The following EPHA3 variants were observed in gnomAD, a reference collection of about 807,000 sequenced individuals.
EPHA3 encodes the protein ephrin type-A receptor 3.
In EPHA3, 42 loss-of-function variants were observed where a neutral mutation model predicts 107.1. That is an observed-to-expected ratio of 0.39 (90% CI 0.31 to 0.51). EPHA3 has a LOEUF of 0.51. Ranked by LOEUF, EPHA3 falls within the 20% of genes least tolerant of loss-of-function variation. EPHA3 has a pLI of 0.78. For missense variants in EPHA3, 1,183 were observed against 1,211.2 expected (o/e 0.98, Z 0.35); for synonymous variants, 461 against 424.8 (o/e 1.09, Z -1.05).
chr3:89,443,227 A>G (rs1465017860), intron 13 of EPHA3, among the ~76,000 whole-genome samples: 1 of 152,204 alleles, frequency 6.6e-6, no homozygotes, highest in Non-Finnish European at 1.5e-5. Context: ...CAGTTGATGT[A>G]GAATGTGTAT....
intron 11 of EPHA3, among the ~76,000 whole-genome samples, chr3:89,419,725 G>A (rs1324130036): frequency 6.6e-6 from 1 of 151,400 alleles, no homozygotes; most frequent in African/African-American, 2.4e-5. Context: ...AATGACTCAA[G>A]CTTGACAGGA....
At chr3:89,477,732 G>GA (rs1424545510) in intron 16 of EPHA3, among the ~76,000 whole-genome samples, 1 of 151,628 alleles carries the variant, frequency 6.6e-6, no homozygotes, top group Non-Finnish European at 1.5e-5. Context: ...TCTTTACCCA[G>GA]AAAAATATAT....
At chr3:89,356,291 C>T (rs1707954306) in intron 5 of EPHA3, among the ~76,000 whole-genome samples, 1 of 150,820 alleles carries the variant, frequency 6.6e-6, no homozygotes, top group Non-Finnish European at 1.5e-5. Flanking sequence ...CTGCAATAAA[C>T]ATAGGTGTGC....
intron 3 of EPHA3, among the ~76,000 whole-genome samples, chr3:89,241,813 T>G (rs1576258173): frequency 6.6e-6 from 1 of 152,292 alleles, no homozygotes; most frequent in East Asian, 1.9e-4. Context: ...TTCAGGTTTT[T>G]GAAACAGAAG....
At chr3:89,174,030 A>T (rs1344010045) in intron 2 of EPHA3, among the ~76,000 whole-genome samples, 4 of 152,014 alleles carry the variant, frequency 2.6e-5, no homozygotes, top group African/African-American at 9.6e-5. Context: ...TGGTAGAAGC[A>T]AGGAAAAATT....
intron 2 of EPHA3, among the ~76,000 whole-genome samples, chr3:89,130,330 C>A (rs1704179453): frequency 6.6e-6 from 1 of 152,136 alleles, no homozygotes; most frequent in Admixed American, 6.6e-5. Flanking sequence ...AGACTGCCAG[C>A]TCCCTCTCTA....
At chr3:89,428,259 A>G (rs768887395) in intron 11 of EPHA3, among the ~76,000 whole-genome samples, 10 of 152,058 alleles carry the variant, frequency 6.6e-5, no homozygotes, top group Non-Finnish European at 1.5e-4. Context: ...ATAACTTGTT[A>G]GATGTATGAT....
intron 2 of EPHA3, among the ~76,000 whole-genome samples, chr3:89,141,002 C>G (rs776998602): frequency 4.6e-5 from 7 of 151,518 alleles, no homozygotes; most frequent in Admixed American, 1.3e-4. Flanking sequence ...TGAAGTTTTA[C>G]AAGAGAGAAC....
At chr3:89,168,459 CA>C (rs1020909194) in intron 2 of EPHA3, among the ~76,000 whole-genome samples, 1 of 151,092 alleles carries the variant, frequency 6.6e-6, no homozygotes, top group Non-Finnish European at 1.5e-5. Context: ...AAAAACAAAC[CA>C]AAAAAAATTT....
chr3:89,199,316 T>C (rs1705914248), intron 2 of EPHA3, among the ~76,000 whole-genome samples: 3 of 152,300 alleles, frequency 2.0e-5, no homozygotes, highest in Non-Finnish European at 4.4e-5. Flanking sequence ...GCAATAAGTG[T>C]CCTTTACATT....
intron 3 of EPHA3, among the ~76,000 whole-genome samples, chr3:89,320,734 C>G (rs186372402): frequency 4.6e-5 from 7 of 151,984 alleles, no homozygotes; most frequent in Admixed American, 3.9e-4. Flanking sequence ...TGTAAAACAC[C>G]ACAAAAATAT....
chr3:89,394,301 T>A (rs116591925), intron 5 of EPHA3, among the ~76,000 whole-genome samples: 1,684 of 152,188 alleles, frequency 0.011, 36 homozygotes, highest in African/African-American at 0.039. Flanking sequence ...TCTCAGCCAG[T>A]AGGATTGCTT....
chr3:89,265,085 T>G (rs1705505948), intron 3 of EPHA3, among the ~76,000 whole-genome samples: 1 of 152,152 alleles, frequency 6.6e-6, no homozygotes, highest in African/African-American at 2.4e-5. Context: ...AAATTAAAAA[T>G]TATGTTCAGC....
chr3:89,326,321 A>T (rs1330745943), intron 3 of EPHA3, among the ~76,000 whole-genome samples: 1 of 152,144 alleles, frequency 6.6e-6, no homozygotes, highest in Non-Finnish European at 1.5e-5. Flanking sequence ...AATGCTAATA[A>T]GTGGTTGTTA....
intron 3 of EPHA3, among the ~76,000 whole-genome samples, chr3:89,292,639 A>G (rs1323974079): frequency 1.3e-5 from 2 of 152,196 alleles, no homozygotes; most frequent in Admixed American, 6.6e-5. Flanking sequence ...TATTTGATCT[A>G]TAGAAAGCAT....
At chr3:89,270,905 A>T (rs1051813834) in intron 3 of EPHA3, among the ~76,000 whole-genome samples, 1 of 152,144 alleles carries the variant, frequency 6.6e-6, no homozygotes, top group East Asian at 1.9e-4. Context: ...TGTTTATTAA[A>T]TCAGAGTAGA....
intron 3 of EPHA3, among the ~76,000 whole-genome samples, chr3:89,333,509 G>A (rs1394044973): frequency 6.6e-6 from 1 of 152,168 alleles, no homozygotes; most frequent in Non-Finnish European, 1.5e-5. Context: ...TAATGCACAA[G>A]CATGCCGTCA....
At chr3:89,308,592 A>G (rs1559641418) in intron 3 of EPHA3, among the ~76,000 whole-genome samples, 1 of 138,500 alleles carries the variant, frequency 7.2e-6, no homozygotes, top group East Asian at 2.1e-4. Context: ...TATGGACTAC[A>G]GCCAAGGGAA....
At chr3:89,381,073 C>T (rs907664877) in intron 5 of EPHA3, among the ~76,000 whole-genome samples, 4 of 151,926 alleles carry the variant, frequency 2.6e-5, no homozygotes, top group African/African-American at 7.2e-5. Context: ...CCTGGTTTCC[C>T]GCCATTCTCT....
Sources: gnomAD v4.1 joint callset for allele counts (sites outside exome capture counted in the v4.1 genomes callset) on GRCh38, gnomAD v4.1.1 for gene constraint, MANE v1.5 for transcripts, NCBI Gene and HGNC (gene_info 2026-07-23, HGNC 2026-07-21) for gene names.